Variants in MAP3K4 observed in about 807,000 individuals in gnomAD.
MAP3K4 encodes MAP three kinase 1.
A neutral mutation model predicts 185.6 loss-of-function variants in MAP3K4; 67 were observed. That is an observed-to-expected ratio of 0.36 (90% CI 0.30 to 0.44). The LOEUF is 0.44. Among genes scored for constraint, MAP3K4 ranks in the 20% least tolerant of loss-of-function variants. The probability of loss-of-function intolerance (pLI) is 1.00; values close to 1 mark genes in which losing one functional copy is unlikely to be tolerated. For missense variants in MAP3K4, 1,551 were observed against 1,995.1 expected, an observed-to-expected ratio of 0.78 and a Z score of 4.24; for synonymous variants, 702 against 710.4, an observed-to-expected ratio of 0.99 and a Z score of 0.19.
chr6:161,038,839 G>C (rs1261200882), intron 2 of MAP3K4, among the ~76,000 whole-genome samples: 1 of 152,114 alleles, frequency 6.6e-6, no homozygotes, highest in Non-Finnish European at 1.5e-5. Flanking sequence ...AAACATCCAC[G>C]ATGGCTCCCT....
chr6:161,040,457 A>C (rs1783399959), intron 2 of MAP3K4, among the ~76,000 whole-genome samples: 1 of 152,218 alleles, frequency 6.6e-6, no homozygotes, highest in Non-Finnish European at 1.5e-5. Flanking sequence ...TATTGCAATC[A>C]CGAGGATTGT....
intron 11 of MAP3K4, among the ~76,000 whole-genome samples, 198 bp downstream of exon 11, chr6:161,089,669 A>T (rs1011201367): frequency 6.6e-6 from 1 of 152,196 alleles, no homozygotes; most frequent in African/African-American, 2.4e-5. Flanking sequence ...AGAACTTTAT[A>T]ATTGGAAAGG....
Position 161,048,943 on chromosome 6 carries a change from A to G in MAP3K4, c.671A>G (p.Lys224Arg). ...SRTDCPADRL[K>R]FFETLRLLLK... ...ACTGACTGTCCAGCAGATCGTTTAA[A>G]GTTTTTTGAAACTTTACGACTTTTG... Residue 224 changes from lysine to arginine, a missense_variant, in exon 3 of 27, where the codon AAG becomes AGG. Transcript: ENST00000392142. The surrounding 1 kb of genome is among the most constrained non-coding windows in gnomAD (Gnocchi z 4.7). 6.2e-7 allele frequency: 1 copy of G among 1,614,032 alleles called. No homozygotes were observed. Among genetic ancestry groups the G allele is most frequent in the South Asian group, 1.1e-5 (1 of 91,084 alleles).
Position 161,049,648 on chromosome 6 carries a change from A to T in MAP3K4, c.1376A>T (p.Asp459Val), listed in dbSNP as rs777816012. The change falls in exon 3 of 27, where the codon GAT becomes GTT. Residue 459 changes from aspartate (D) to valine (V), a missense_variant. Asp to Val is a radical substitution (Grantham distance 152). Around this residue, in one of 16 missense-constraint regions of MAP3K4, gnomAD observed 126 missense variants for 112.8 expected, o/e 1.12. Coordinates refer to ENST00000392142, the MANE Select transcript of MAP3K4 (RefSeq NM_005922.4). This position sits in a 1 kb window ranked among gnomAD's most constrained non-coding sequence, Gnocchi z 8.4. ...GELKELESST[D>V]ESEEEQISDP... The stretch of plus-strand genomic sequence containing the variant: ...TTAAAGGAGTTGGAAAGTAGTACGG[A>T]TGAGAGTGAAGAAGAACAAATCTCT... The T allele has an allele frequency of 6.2e-7, 1 of 1,614,042 alleles. No individual in the cohort carries two copies. The highest frequency in any genetic ancestry group is 2.2e-5 in the East Asian group (1 of 44,886).
chr6:161,088,259 A>T lies in MAP3K4; in HGVS notation c.2823+305A>T, dbSNP rs935859819. On this transcript the variant is annotated intron_variant, in intron 10 of 26. Coordinates refer to ENST00000392142, the MANE Select transcript of MAP3K4 (RefSeq NM_005922.4). The surrounding 1 kb of genome is among the most constrained non-coding windows in gnomAD (Gnocchi z 4.5). The stretch of plus-strand genomic sequence containing the variant: ...ATCTAAAAGGAGTTATGTCACTAAT[A>T]TAATTTGTAGTTCTAGAAATCCCAG... Among the ~76,000 whole-genome samples, 14 of 152,308 alleles carry T rather than the reference A, an allele frequency of 9.2e-5. No individual in the cohort carries two copies. The East Asian group carries it at 1.5e-3, about 17-fold the overall frequency.
In MAP3K4 at chr6:161,073,708, T is replaced by A; in HGVS notation, c.2097+96T>A. On this transcript the variant is annotated intron_variant, in intron 5 of 26. Transcript: ENST00000392142. The surrounding 1 kb of genome is among the most constrained non-coding windows in gnomAD (Gnocchi z 4.2). ...CCTTGTTTTGCAAACAGCGTTGGCA[T>A]ACATATTCAGATAAACTTCTCTAGT... 1.6e-6 allele frequency: 2 copies of A among 1,267,094 alleles called. No homozygotes were observed. Among genetic ancestry groups the A allele is most frequent in the Middle Eastern group, 2.8e-4 (1 of 3,592 alleles). 78.5% of individuals were successfully genotyped at this position (1,267,094 alleles called of 1,614,324 possible). A position where few individuals can be genotyped will look rare whatever the true frequency, so the allele number is the denominator to read the frequency against.
chr6:161,017,711 A>G lies in MAP3K4; in HGVS notation c.153-16548A>G, dbSNP rs1782179537. ...ATGTAAAGTAAACATAAACATATAC[A>G]TATTTTTGAACAAAATTTCCTTTCT... On this transcript the variant is annotated intron_variant, in intron 1 of 26. Coordinates refer to ENST00000392142, the MANE Select transcript of MAP3K4 (RefSeq NM_005922.4). The surrounding 1 kb of genome is among the most constrained non-coding windows in gnomAD (Gnocchi z 5.1). Among the ~76,000 whole-genome samples, 1 of 152,186 alleles carries G rather than the reference A, an allele frequency of 6.6e-6. No individual in the cohort carries two copies. Among genetic ancestry groups the G allele is most frequent in the African/African-American group, 2.4e-5 (1 of 41,450 alleles).
At chr6:161,025,610 C>A (rs533887489) in intron 1 of MAP3K4, among the ~76,000 whole-genome samples, 5 of 152,150 alleles carry the variant, frequency 3.3e-5, no homozygotes, top group Non-Finnish European at 7.4e-5. Flanking sequence ...GCTCATCTGT[C>A]CCCTACAGAG....
chr6:161,091,333 G>A lies in MAP3K4; in HGVS notation c.2974-46G>A. 1.3e-6 allele frequency: 2 copies of A among 1,536,868 alleles called. No individual in the cohort carries two copies. Among genetic ancestry groups the A allele is most frequent in the Non-Finnish European group, 1.8e-6 (2 of 1,122,250 alleles). ...CTTCCTTTAAAATGTGGTAAGTATT[G>A]TATGATTTGCTTCATTTTGCATTAA... is the stretch of plus-strand genomic sequence containing the variant. On this transcript the variant is annotated intron_variant, in intron 11 of 26. Coordinates refer to ENST00000392142, the MANE Select transcript of MAP3K4 (RefSeq NM_005922.4). The surrounding 1 kb of genome is among the most constrained non-coding windows in gnomAD (Gnocchi z 5.5).
rs751382951 is a variant in MAP3K4, at chr6:161,037,299, A to G, written c.343+2850A>G. ...CCCGGACTCCAGTCCTGGTTCCGCT[A>G]TCTTCTGCGTATGCAGCCTCCATAT... On this transcript the variant is annotated intron_variant, in intron 2 of 26. Coordinates refer to ENST00000392142, the MANE Select transcript of MAP3K4 (RefSeq NM_005922.4). The surrounding 1 kb of genome is among the most constrained non-coding windows in gnomAD (Gnocchi z 4.2). Among the ~76,000 whole-genome samples, 2 of 152,218 alleles carry G rather than the reference A, an allele frequency of 1.3e-5. No homozygotes were observed. The highest frequency in any genetic ancestry group is 2.9e-5 in the Non-Finnish European group (2 of 68,052).
At chr6:161,085,702 G>C (rs1583213343) in intron 7 of MAP3K4, among the ~76,000 whole-genome samples, 2 of 152,310 alleles carry the variant, frequency 1.3e-5, no homozygotes, top group East Asian at 3.9e-4. Flanking sequence ...TAAGTTTGTA[G>C]GTCTCACAGT....
rs745682016 is a variant in MAP3K4, at chr6:161,112,000, C to T, written c.4519+42C>T. ...TTGTTCTTTGCACTCTGACTTCATGCAGCCTGCTTGGGGCCTGCATGTTCC... is the reference window on the plus strand; with the variant it reads ...TTGTTCTTTGCACTCTGACTTCATGTAGCCTGCTTGGGGCCTGCATGTTCC... On this transcript the variant is annotated intron_variant, in intron 24 of 26. Transcript: ENST00000392142. 8.7e-6 allele frequency: 14 copies of T among 1,607,576 alleles called. No individual in the cohort carries two copies. In the East Asian group the frequency reaches 2.2e-4, roughly 26 times the overall value.
In MAP3K4 at chr6:161,053,379, T is replaced by A. The variant is rs1310711700; in HGVS notation, c.1707+3400T>A. Among the ~76,000 whole-genome samples the A allele has an allele frequency of 2.0e-5, 3 of 152,226 alleles. No homozygotes were observed. Among genetic ancestry groups the A allele is most frequent in the Non-Finnish European group, 4.4e-5 (3 of 68,036 alleles). On this transcript the variant is annotated intron_variant, in intron 3 of 26. Coordinates refer to ENST00000392142, the MANE Select transcript of MAP3K4 (RefSeq NM_005922.4). This position sits in a 1 kb window ranked among gnomAD's most constrained non-coding sequence, Gnocchi z 4.2. ...CATAGGGTGGGGACACAGATCCACATCTTATCAAATGGTAAAATGCTCTAC... is the reference window on the plus strand; with the variant it reads ...CATAGGGTGGGGACACAGATCCACAACTTATCAAATGGTAAAATGCTCTAC...
At position 161,096,176 on chromosome 6, in the gene MAP3K4, A is replaced by G. The variant is rs546639356; in HGVS notation, c.3428-904A>G. On this transcript the variant is annotated intron_variant, in intron 15 of 26. Transcript: ENST00000392142. This position sits in a 1 kb window ranked among gnomAD's most constrained non-coding sequence, Gnocchi z 4.9. ...TTTGTAAGTTCTGTAAGGGAACTTC[A>G]GATCTCTCCATTTTTACTACTTCTG... 2.8e-4 allele frequency among the ~76,000 whole-genome samples: 43 copies of G among 152,312 alleles called. No individual in the cohort carries two copies. Among genetic ancestry groups the G allele is most frequent in the African/African-American group, 9.4e-4 (39 of 41,580 alleles).
At position 161,061,669 on chromosome 6, in the gene MAP3K4, G is replaced by A. The variant is rs1784490475; in HGVS notation, c.1708-8939G>A. Among the ~76,000 whole-genome samples, 1 of 152,146 alleles carries A rather than the reference G, an allele frequency of 6.6e-6. No homozygotes were observed. Among genetic ancestry groups the A allele is most frequent in the Admixed American group, 6.5e-5 (1 of 15,268 alleles). On this transcript the variant is annotated intron_variant, in intron 3 of 26. Coordinates refer to ENST00000392142, the MANE Select transcript of MAP3K4 (RefSeq NM_005922.4). The surrounding 1 kb of genome is among the most constrained non-coding windows in gnomAD (Gnocchi z 4.2). ...CTAGGCAACCGCTAATCTACTTTCT[G>A]TCTCTTAATATTTGCCTAGCCATAT...
Position 161,109,696 on chromosome 6 carries a change from C to A in MAP3K4, c.4237-59C>A. The stretch of plus-strand genomic sequence containing the variant: ...GGCCTAGGAAGTTTTCCAGATTTTT[C>A]ACTAGCGTACATCTAAGGAAAACCG... On this transcript the variant is annotated intron_variant, in intron 22 of 26. Transcript: ENST00000392142. The surrounding 1 kb of genome is among the most constrained non-coding windows in gnomAD (Gnocchi z 5.7). 1 of 1,580,402 alleles carries A rather than the reference C, an allele frequency of 6.3e-7. No homozygotes were observed. Among genetic ancestry groups the A allele is most frequent in the Non-Finnish European group, 8.7e-7 (1 of 1,152,908 alleles).
intron 2 of MAP3K4, among the ~76,000 whole-genome samples, chr6:161,038,939 A>G (rs1032005861): frequency 1.3e-5 from 2 of 152,152 alleles, no homozygotes; most frequent in Non-Finnish European, 2.9e-5. Flanking sequence ...GATCTTCCTC[A>G]TGGCTAGCCC....
chr6:161,015,466 A>G lies in MAP3K4; in HGVS notation c.153-18793A>G, dbSNP rs187071332. 5.3e-5 allele frequency among the ~76,000 whole-genome samples: 8 copies of G among 152,282 alleles called. No homozygotes were observed. In the East Asian group the frequency reaches 1.5e-3, roughly 29 times the overall value. ...CACGTATCCTGGAACTTAAAATGAA[A>G]GTTGAAGTGGCCACCATCACCACCA... On this transcript the variant is annotated intron_variant, in intron 1 of 26. Transcript: ENST00000392142.
At chr6:160,992,903 T>C (rs1780804180) in intron 1 of MAP3K4, among the ~76,000 whole-genome samples, 2 of 152,172 alleles carry the variant, frequency 1.3e-5, no homozygotes, top group Non-Finnish European at 2.9e-5. Flanking sequence ...TCAAATGTCC[T>C]CTTACTCCCT....
Sources: allele counts gnomAD v4.1 joint callset (sites outside exome capture counted in the v4.1 genomes callset), GRCh38; gene constraint gnomAD v4.1.1; regional missense constraint gnomAD v4.1.1; non-coding constraint Gnocchi (gnomAD v3.1); transcripts MANE v1.5; gene names NCBI Gene and HGNC (gene_info 2026-07-23, HGNC 2026-07-21).